Variants in MBTD1 observed in about 807,000 individuals in gnomAD.
MBTD1 encodes mbt domain containing 1.
In MBTD1, 24 loss-of-function variants were observed where a neutral mutation model predicts 87.8. That is an observed-to-expected ratio of 0.27 (90% CI 0.20 to 0.38). The LOEUF is 0.38. MBTD1 is among the 10% of genes least tolerant of loss of function. MBTD1 has a pLI of 1.00. For synonymous variants in MBTD1, 237 were observed against 248.6 expected (o/e 0.95, Z 0.44); for missense variants, 436 against 760.2 (o/e 0.57, Z 5.02).
intron 7 of MBTD1, among the ~76,000 whole-genome samples, chr17:51,205,977 C>A (rs569040452): frequency 4.9e-4 from 75 of 152,194 alleles, no homozygotes; most frequent in African/African-American, 1.8e-3. Flanking sequence ...TGGCTGCCTG[C>A]CTCTCCTCCA....
intron 6 of MBTD1, chr17:51,209,554 A>AT (rs918234969): frequency 2.2e-6 from 1 of 460,502 alleles, no homozygotes; most frequent in African/African-American, 2.0e-5. Flanking sequence ...GGGAAGTCTT[A>AT]TTTGCTGTAC....
At chr17:51,239,081 CCAAG>C (rs1319003488) in intron 2 of MBTD1, among the ~76,000 whole-genome samples, 3 of 142,136 alleles carry the variant, frequency 2.1e-5, no homozygotes, top group African/African-American at 8.1e-5. Flanking sequence ...GCTTGGGCGA[CCAAG>C]CGAGTCTCCA....
Position 51,179,481 on chromosome 17 carries a change from A to ATTATATATATATATATTT in MBTD1, c.*1094_*1095insAAATATATATATATATAA, listed in dbSNP as rs1491272569. On this transcript the variant is annotated 3_prime_UTR_variant, in exon 17 of 17. Coordinates refer to ENST00000586178, the MANE Select transcript of MBTD1 (RefSeq NM_017643.3). ...TAAATCCTGAATACAATTAAAGACAATTTTATATATATATATATATATATA... is the reference window on the plus strand; with the variant it reads ...TAAATCCTGAATACAATTAAAGACAATTATATATATATATATTTTTTTATATATATATATATATATATA... 4 of 49,292 alleles carry ATTATATATATATATATTT rather than the reference A, an allele frequency of 8.1e-5. No homozygotes were observed. Among genetic ancestry groups the ATTATATATATATATATTT allele is most frequent in the Non-Finnish European group, 1.2e-4 (3 of 24,526 alleles). The allele number at this position is 49,292 out of a possible 1,614,324, so 3.1% of individuals were successfully genotyped here.
rs1248740273 is a variant in MBTD1, at chr17:51,202,734, A to T, written c.1030T>A (p.Ser344Thr). The T allele has an allele frequency of 6.2e-7, 1 of 1,614,166 alleles. No homozygotes were observed. The highest frequency in any genetic ancestry group is 1.7e-5 in the Admixed American group (1 of 60,028). ...TTGAATCGATGACCTATGCTTCGAG[A>T]CCAACCAATATGATGTATTAATGGG... is the stretch of plus-strand genomic sequence containing the variant. ...HSPLIHHIGW[S>T]RSIGHRFKRS... The change falls in exon 10 of 17, where the codon TCT becomes ACT. Residue 344 changes from serine to threonine, a missense_variant. Transcript: ENST00000586178.
chr17:51,246,459 C>A (rs1175636121), intron 2 of MBTD1, among the ~76,000 whole-genome samples: 1 of 152,120 alleles, frequency 6.6e-6, no homozygotes, highest in Non-Finnish European at 1.5e-5. Context: ...CTATTGTAAT[C>A]TTCTCTTTTG....
intron 16 of MBTD1, among the ~76,000 whole-genome samples, chr17:51,187,000 T>A (rs541889219): frequency 3.9e-4 from 60 of 152,290 alleles, no homozygotes; most frequent in Middle Eastern, 6.8e-3. Context: ...GTTACTGATA[T>A]GAAATGTGCT....
intron 3 of MBTD1, among the ~76,000 whole-genome samples, chr17:51,224,014 A>C (rs1016399863): frequency 2.0e-5 from 3 of 152,250 alleles, no homozygotes; most frequent in Non-Finnish European, 4.4e-5. Flanking sequence ...TATCATTTTC[A>C]AGAAAGCTAA....
chr17:51,216,209 GGCGTGAGCC>G (rs1309593517), intron 6 of MBTD1, among the ~76,000 whole-genome samples: 2 of 152,106 alleles, frequency 1.3e-5, no homozygotes, highest in Admixed American at 1.3e-4. Flanking sequence ...TGGGATTACA[GGCGTGAGCC>G]ACCGTGCCCG....
rs2050217564 is a variant in MBTD1 at position 51,179,505 on chromosome 17, T to C, written c.*1071A>G. 4.8e-5 allele frequency: 4 copies of C among 82,942 alleles called. No individual in the cohort carries two copies. Among genetic ancestry groups the C allele is most frequent in the African/African-American group, 1.9e-4 (4 of 21,496 alleles). 5.1% of individuals were successfully genotyped at this position (82,942 alleles called of 1,614,324 possible). ...AATTTTATATATATATATATATATATATATATATATATATATATATATATA... is the reference window on the plus strand; with the variant it reads ...AATTTTATATATATATATATATATACATATATATATATATATATATATATA... On this transcript the variant is annotated 3_prime_UTR_variant, in exon 17 of 17. Coordinates refer to ENST00000586178, the MANE Select transcript of MBTD1 (RefSeq NM_017643.3).
intron 2 of MBTD1, among the ~76,000 whole-genome samples, chr17:51,233,217 A>T (rs1432189140): frequency 6.6e-6 from 1 of 151,780 alleles, no homozygotes; most frequent in Non-Finnish European, 1.5e-5. Flanking sequence ...TTAAAAAGCA[A>T]CCAATCACCA....
Position 51,259,752 on chromosome 17 carries a change from G to A in MBTD1, c.-113+83C>T, listed in dbSNP as rs537433746. 3,717 of 1,194,988 alleles carry A rather than the reference G, an allele frequency of 3.1e-3. 11 individuals carry two copies. The highest frequency in any genetic ancestry group is 3.7e-3 in the Non-Finnish European group (3,526 of 954,058). 74.0% of individuals were successfully genotyped at this position (1,194,988 alleles called of 1,614,324 possible). The stretch of plus-strand genomic sequence containing the variant: ...AAGCAGGCCAGGGAGCGGGGTCAGG[G>A]AGCTGCGGGGTTCCTGGGGTCGGAG... On this transcript the variant is annotated intron_variant, in intron 1 of 16. Coordinates refer to ENST00000586178, the MANE Select transcript of MBTD1 (RefSeq NM_017643.3).
At chr17:51,204,279 T>TG (rs1334634938) in intron 7 of MBTD1, among the ~76,000 whole-genome samples, 1 of 152,030 alleles carries the variant, frequency 6.6e-6, no homozygotes, top group African/African-American at 2.4e-5. Context: ...TTTTTTGAGA[T>TG]GGAGTCTTGC....
chr17:51,197,731 A>T (rs1294020902), intron 12 of MBTD1, among the ~76,000 whole-genome samples: 1 of 151,976 alleles, frequency 6.6e-6, no homozygotes, highest in African/African-American at 2.4e-5. Flanking sequence ...CTGGGGGCCA[A>T]GGTGGGCTCA....
intron 2 of MBTD1, among the ~76,000 whole-genome samples, chr17:51,257,927 A>C (rs1402938379): frequency 6.6e-6 from 1 of 152,132 alleles, no homozygotes; most frequent in Non-Finnish European, 1.5e-5. Context: ...ATGTTGCCAT[A>C]ATTTGCAAGG....
chr17:51,192,049 G>A (rs2050842895), intron 16 of MBTD1, 154 bp downstream of exon 16: 2 of 637,654 alleles, frequency 3.1e-6, no homozygotes, highest in East Asian at 5.6e-5. Flanking sequence ...ATTATTGCAA[G>A]GGTTTGCCTT....
Position 51,192,766 on chromosome 17 carries a change from C to A in MBTD1, c.1690+16G>T, listed in dbSNP as rs370045717. On this transcript the variant is annotated intron_variant, in intron 15 of 16. Transcript: ENST00000586178. ...TGATTTTTACAAAAGGACACCTTTT[C>A]TGTATACCAACTTACACTGTGATGC... is the stretch of plus-strand genomic sequence containing the variant. 1.2e-6 allele frequency: 2 copies of A among 1,612,460 alleles called. No individual in the cohort carries two copies. The highest frequency in any genetic ancestry group is 3.3e-5 in the Admixed American group (2 of 59,860).
At chr17:51,256,793 T>C (rs1322230875) in intron 2 of MBTD1, 1 of 152,188 alleles carries the variant, frequency 6.6e-6, no homozygotes, top group Non-Finnish European at 1.5e-5. Context: ...CAGAAACTTC[T>C]ATTGGATTAT....
upstream of MBTD1, chr17:51,260,804 C>A: frequency 6.3e-7 from 1 of 1,584,312 alleles, no homozygotes; most frequent in South Asian, 1.1e-5. Flanking sequence ...ACGGCTCCGG[C>A]AGCGGAACCG....
Position 51,217,314 on chromosome 17 carries a change from G to A in MBTD1, c.486+20C>T. The A allele has an allele frequency of 2.1e-6, 3 of 1,410,430 alleles. No individual in the cohort carries two copies. Among genetic ancestry groups the A allele is most frequent in the Non-Finnish European group, 2.9e-6 (3 of 1,032,590 alleles). 87.4% of individuals were successfully genotyped at this position (1,410,430 alleles called of 1,614,324 possible). The stretch of plus-strand genomic sequence containing the variant: ...CAATGACTAAGTACTTCAAAATAAG[G>A]TGAGAAATTCTGTACTTACATGTTT... On this transcript the variant is annotated intron_variant, in intron 6 of 16. Transcript: ENST00000586178.
Sources: gnomAD v4.1 joint callset for allele counts (sites outside exome capture counted in the v4.1 genomes callset) on GRCh38, gnomAD v4.1.1 for gene constraint, MANE v1.5 for transcripts, NCBI Gene and HGNC (gene_info 2026-07-23, HGNC 2026-07-21) for gene names.